SAP130: variants seen among roughly 807,000 people sequenced by gnomAD.
SAP130 encodes histone deacetylase complex subunit SAP130.
In SAP130, 16 loss-of-function variants were observed where a neutral mutation model predicts 103.2. The observed-to-expected ratio is 0.16, with a 90% CI of 0.10 to 0.24. The LOEUF is 0.24. SAP130 is among the 10% of genes least tolerant of loss of function. SAP130 has a pLI of 1.00. For synonymous variants in SAP130, 477 were observed against 497.0 expected (o/e 0.96, Z 0.53); for missense variants, 990 against 1,359.7 (o/e 0.73, Z 4.28).
Position 127,996,416 on chromosome 2 carries a change from A to T in SAP130, c.1289T>A (p.Leu430Gln). The change falls in exon 11 of 21, where the codon CTG becomes CAG. Residue 430 changes from leucine to glutamine, a missense_variant. Transcript: ENST00000643581. This position sits in a 1 kb window ranked among gnomAD's most constrained non-coding sequence, Gnocchi z 4.3. ...GGCCCGATGTCCGGAGATGGGAATC[A>T]GGCTACTCCTCTCGGCAGGGTAGTC... ...QPDYPAERSSLIPISGHRASP... is the reference protein window; with the variant it reads ...QPDYPAERSSQIPISGHRASP... 6.2e-7 allele frequency: 1 copy of T among 1,610,630 alleles called. No homozygotes were observed. Among genetic ancestry groups the T allele is most frequent in the Non-Finnish European group, 8.5e-7 (1 of 1,178,458 alleles).
At chr2:127,960,053 T>C (rs747733438) in intron 15 of SAP130, among the ~76,000 whole-genome samples, 2 of 152,148 alleles carry the variant, frequency 1.3e-5, no homozygotes, top group African/African-American at 2.4e-5. Context: ...CCATCGCATC[T>C]GCCTTAGAAT....
intron 1 of SAP130, chr2:128,027,446 C>T (rs963177130): frequency 9.0e-7 from 1 of 1,106,864 alleles, no homozygotes; most frequent in Non-Finnish European, 1.1e-6. Flanking sequence ...CGAGCCTGGC[C>T]GGGGCAGCCC....
chr2:127,944,829 T>C (rs762691336), intron 19 of SAP130, among the ~76,000 whole-genome samples: 9 of 149,510 alleles, frequency 6.0e-5, no homozygotes, highest in South Asian at 2.1e-4. Flanking sequence ...GCCCAGCAGG[T>C]TGATCATGGC....
intron 15 of SAP130, among the ~76,000 whole-genome samples, chr2:127,975,960 T>A (rs1681433266): frequency 6.6e-6 from 1 of 152,186 alleles, no homozygotes; most frequent in Non-Finnish European, 1.5e-5. Flanking sequence ...TTCTCCTGCC[T>A]CAGCCTCCTG....
chr2:128,012,448 C>G (rs190003043), intron 6 of SAP130, among the ~76,000 whole-genome samples: 4 of 152,154 alleles, frequency 2.6e-5, no homozygotes, highest in Non-Finnish European at 4.4e-5. Flanking sequence ...TCAGCCTGGG[C>G]AACAGAGTGA....
intron 11 of SAP130, among the ~76,000 whole-genome samples, chr2:127,995,264 A>G (rs1245143074): frequency 6.6e-6 from 1 of 152,248 alleles, no homozygotes; most frequent in Non-Finnish European, 1.5e-5. Flanking sequence ...GGCTCCTTGG[A>G]GAAACAGCAG....
chr2:128,010,144 T>G, intron 7 of SAP130, 125 bp downstream of exon 7: 1 of 1,029,996 alleles, frequency 9.7e-7, no homozygotes, highest in Non-Finnish European at 1.4e-6. Flanking sequence ...TTTAGAACAC[T>G]ACATAGCTCA....
At chr2:127,984,059 T>C (rs1183123933) in intron 14 of SAP130, among the ~76,000 whole-genome samples, 5 of 152,044 alleles carry the variant, frequency 3.3e-5, no homozygotes. Context: ...ACCTGGTTCT[T>C]TTTATTGTTG....
At chr2:127,988,166 C>T (rs2461459) in intron 13 of SAP130, among the ~76,000 whole-genome samples, 131,286 of 152,216 alleles carry the variant, frequency 0.86, 56,764 homozygotes, top group East Asian at 0.99. Flanking sequence ...CTGATGCCTG[C>T]AATCGCAGCA....
rs111425196 is a variant in SAP130, at chr2:127,964,926, G to C, written c.2064-9582C>G. The stretch of plus-strand genomic sequence containing the variant: ...AGACACAAGAATCACTTGAACCCGG[G>C]AGGCGGAAGTTGCAGTGAGCCGAGA... On this transcript the variant is annotated intron_variant, in intron 15 of 20. Transcript: ENST00000643581. Among the ~76,000 whole-genome samples the C allele has an allele frequency of 6.7e-4, 102 of 152,090 alleles. 1 individual carries two copies. The highest frequency in any genetic ancestry group is 2.5e-3 in the African/African-American group (102 of 41,466).
At chr2:128,005,016 C>T (rs954226661) in intron 7 of SAP130, among the ~76,000 whole-genome samples, 2 of 152,132 alleles carry the variant, frequency 1.3e-5, no homozygotes, top group East Asian at 1.9e-4. Flanking sequence ...ACAAAACACA[C>T]CAGAAGTGCT....
rs781204597 is a variant in SAP130 at position 127,962,891 on chromosome 2, A to T, written c.2064-7547T>A. On this transcript the variant is annotated intron_variant, in intron 15 of 20. Coordinates refer to ENST00000643581, the MANE Select transcript of SAP130 (RefSeq NM_001330301.2). ...CTTAAAGTATAATAATAATAAAATT[A>T]AAAAAAAAAAAGATGACTGGCTTGA... Among the ~76,000 whole-genome samples, 7 of 94,182 alleles carry T rather than the reference A, an allele frequency of 7.4e-5. No homozygotes were observed. The South Asian group carries it at 1.9e-3, about 25-fold the overall frequency. 61.8% of individuals were successfully genotyped at this position (94,182 alleles called of 152,430 possible). A position where few individuals can be genotyped will look rare whatever the true frequency, so the allele number is the denominator to read the frequency against.
At chr2:127,979,330 C>G (rs1681697692) in intron 14 of SAP130, among the ~76,000 whole-genome samples, 2 of 152,162 alleles carry the variant, frequency 1.3e-5, no homozygotes, top group Admixed American at 1.3e-4. Flanking sequence ...TTTCTAGCTA[C>G]TGGAACTATA....
intron 7 of SAP130, among the ~76,000 whole-genome samples, chr2:128,000,800 G>A (rs890151750): frequency 2.6e-4 from 40 of 152,224 alleles, no homozygotes; most frequent in Middle Eastern, 6.8e-3. Flanking sequence ...TTTGGGGGGC[G>A]CAAAGGCTGA....
At chr2:127,971,364 C>T (rs1348822348) in intron 15 of SAP130, among the ~76,000 whole-genome samples, 1 of 149,874 alleles carries the variant, frequency 6.7e-6, no homozygotes, top group Non-Finnish European at 1.5e-5. Flanking sequence ...CGGCTCACTG[C>T]AAGCTCCACC....
chr2:128,011,230 T>C (rs1051246689), intron 6 of SAP130, among the ~76,000 whole-genome samples: 2 of 152,252 alleles, frequency 1.3e-5, no homozygotes, highest in African/African-American at 4.8e-5. Flanking sequence ...AACAGTATTC[T>C]TTTCTAGGTA....
At position 128,010,378 on chromosome 2, in the gene SAP130, T is replaced by A. The variant is rs760943523; in HGVS notation, c.760A>T (p.Thr254Ser). The part of the protein sequence containing the change: ...HQPIQSRPPV[T>S]TSNAIPPAVV... ...GCAGGAGGGATGGCATTGGAGGTGG[T>A]CACAGGTGGCCGAGACTACCAAAAG... Residue 254 changes from threonine to serine, a missense_variant, in exon 7 of 21, where the codon ACC becomes TCC. Around this residue, in one of 6 missense-constraint regions of SAP130, gnomAD observed 336 missense variants for 520.1 expected, o/e 0.65. Coordinates refer to ENST00000643581, the MANE Select transcript of SAP130 (RefSeq NM_001330301.2). 1.9e-6 allele frequency: 3 copies of A among 1,612,692 alleles called. No homozygotes were observed. The highest frequency in any genetic ancestry group is 3.4e-5 in the Admixed American group (2 of 59,682).
At chr2:127,972,504 T>G (rs930776016) in intron 15 of SAP130, among the ~76,000 whole-genome samples, 4 of 152,074 alleles carry the variant, frequency 2.6e-5, no homozygotes, top group African/African-American at 9.7e-5. Flanking sequence ...ACCCCTGTAA[T>G]CCCAGCACTT....
intron 2 of SAP130, among the ~76,000 whole-genome samples, chr2:128,021,055 T>G (rs1419446458): frequency 3.9e-5 from 6 of 152,194 alleles, no homozygotes; most frequent in Admixed American, 2.0e-4. Context: ...ACTGTATCAT[T>G]GATGGGCTTT....
Sources: allele counts gnomAD v4.1 joint callset (sites outside exome capture counted in the v4.1 genomes callset), GRCh38; gene constraint gnomAD v4.1.1; regional missense constraint gnomAD v4.1.1; non-coding constraint Gnocchi (gnomAD v3.1); transcripts MANE v1.5; gene names NCBI Gene and HGNC (gene_info 2026-07-23, HGNC 2026-07-21).